CNTNAP5: variants seen among roughly 807,000 people sequenced by gnomAD.
The protein encoded by CNTNAP5 is contactin associated protein family member 5.
A neutral mutation model predicts 150.2 loss-of-function variants in CNTNAP5; 72 were observed. The observed-to-expected ratio is 0.48, with a 90% CI of 0.40 to 0.58. CNTNAP5 has a LOEUF of 0.58. CNTNAP5 is among the 20% of genes least tolerant of loss of function. The pLI, the probability that CNTNAP5 is intolerant of heterozygous loss-of-function variation, is 0.00. For synonymous variants in CNTNAP5, 672 were observed against 619.8 expected, an observed-to-expected ratio of 1.08 and a Z score of -1.25; for missense variants, 1,636 against 1,626.2, an observed-to-expected ratio of 1.01 and a Z score of -0.10.
chr2:124,440,767 C>T (rs1469748581), intron 5 of CNTNAP5, among the ~76,000 whole-genome samples: 1 of 151,780 alleles, frequency 6.6e-6, no homozygotes, highest in Non-Finnish European at 1.5e-5. Flanking sequence ...TAATTATTTC[C>T]CTTATCTATT....
At chr2:124,839,880 A>G (rs1682911136) in intron 19 of CNTNAP5, among the ~76,000 whole-genome samples, 1 of 152,092 alleles carries the variant, frequency 6.6e-6, no homozygotes. Context: ...GGGAACTCAA[A>G]CTCAATTACA....
chr2:124,028,411 G>T (rs1014706098), intron 1 of CNTNAP5, among the ~76,000 whole-genome samples: 2 of 151,974 alleles, frequency 1.3e-5, no homozygotes, highest in African/African-American at 4.8e-5. Context: ...CCCAATTATA[G>T]ATTTTATAAG....
chr2:124,169,096 T>TTG (rs1553444305), intron 1 of CNTNAP5, among the ~76,000 whole-genome samples: 1 of 152,106 alleles, frequency 6.6e-6, no homozygotes, highest in African/African-American at 2.4e-5. Flanking sequence ...TTCTTTTTTT[T>TTG]TTGTTCAATT....
intron 1 of CNTNAP5, among the ~76,000 whole-genome samples, chr2:124,194,978 A>G (rs1312494017): frequency 1.3e-5 from 2 of 152,104 alleles, no homozygotes; most frequent in South Asian, 2.1e-4. Flanking sequence ...ACCAAAAATC[A>G]TAACTAAATG....
intron 1 of CNTNAP5, among the ~76,000 whole-genome samples, chr2:124,160,100 T>A (rs1684640609): frequency 6.6e-6 from 1 of 152,122 alleles, no homozygotes; most frequent in Non-Finnish European, 1.5e-5. Flanking sequence ...ATTATGGAAG[T>A]CCCAGTATCT....
intron 3 of CNTNAP5, among the ~76,000 whole-genome samples, chr2:124,298,954 A>T (rs1463833101): frequency 6.6e-6 from 1 of 152,228 alleles, no homozygotes; most frequent in East Asian, 1.9e-4. Flanking sequence ...ACAGTGTCAT[A>T]GGACTATCTC....
At chr2:124,088,792 T>C (rs1438326801) in intron 1 of CNTNAP5, among the ~76,000 whole-genome samples, 3 of 152,160 alleles carry the variant, frequency 2.0e-5, no homozygotes, top group African/African-American at 7.2e-5. Flanking sequence ...GAGTTCAAAG[T>C]CCTGGCTCCC....
At chr2:124,893,724 A>G (rs537159079) in intron 21 of CNTNAP5, among the ~76,000 whole-genome samples, 11 of 152,162 alleles carry the variant, frequency 7.2e-5, no homozygotes, top group African/African-American at 2.4e-4. Context: ...ACTGTATATA[A>G]TGGTCACCTG....
intron 13 of CNTNAP5, among the ~76,000 whole-genome samples, chr2:124,692,814 A>T (rs1386310021): frequency 6.6e-6 from 1 of 152,122 alleles, no homozygotes; most frequent in Non-Finnish European, 1.5e-5. Context: ...ACCAAAAGAA[A>T]CTGCACAGTG....
intron 13 of CNTNAP5, among the ~76,000 whole-genome samples, chr2:124,705,367 A>G (rs1679613174): frequency 6.6e-6 from 1 of 152,086 alleles, no homozygotes; most frequent in Non-Finnish European, 1.5e-5. Flanking sequence ...GTCTCTACTA[A>G]AAATAAAATA....
At chr2:124,038,253 A>G (rs1411379005) in intron 1 of CNTNAP5, among the ~76,000 whole-genome samples, 1 of 152,158 alleles carries the variant, frequency 6.6e-6, no homozygotes, top group African/African-American at 2.4e-5. Flanking sequence ...CTGTATAGAA[A>G]ACCACAGTAG....
intron 19 of CNTNAP5, among the ~76,000 whole-genome samples, chr2:124,800,863 A>G (rs1681952471): frequency 6.6e-6 from 1 of 152,144 alleles, no homozygotes; most frequent in Admixed American, 6.5e-5. Context: ...AATATGAGTG[A>G]CCATGGCCTG....
At chr2:124,625,945 T>C (rs1542341) in intron 12 of CNTNAP5, among the ~76,000 whole-genome samples, 14,509 of 152,250 alleles carry the variant, frequency 0.095, 983 homozygotes, top group African/African-American at 0.19. Flanking sequence ...CTAACTTTTA[T>C]GAGGCTTAAT....
At chr2:124,447,554 C>T (rs1692852102) in intron 6 of CNTNAP5, among the ~76,000 whole-genome samples, 1 of 152,166 alleles carries the variant, frequency 6.6e-6, no homozygotes, top group Admixed American at 6.5e-5. Flanking sequence ...CTGCTGTACA[C>T]CAGGCTCTGC....
intron 1 of CNTNAP5, among the ~76,000 whole-genome samples, chr2:124,036,389 A>C (rs922695141): frequency 2.0e-5 from 3 of 152,034 alleles, no homozygotes; most frequent in Non-Finnish European, 4.4e-5. Flanking sequence ...AAGAAACCCC[A>C]GTCCCACCCC....
In CNTNAP5 at chr2:124,776,973, A is replaced by G. The variant is rs150070972; in HGVS notation, c.2752+3956A>G. Among the ~76,000 whole-genome samples the G allele has an allele frequency of 6.6e-5, 10 of 152,274 alleles. No individual in the cohort carries two copies. In the East Asian group the frequency reaches 1.9e-3, roughly 29 times the overall value. On this transcript the variant is annotated intron_variant, in intron 17 of 23. Transcript: ENST00000682447. ...CAATTTTTTTAGGAAACATTAATGTATGACTTTCAATGTCCCCTTACCAAT... is the reference window on the plus strand; with the variant it reads ...CAATTTTTTTAGGAAACATTAATGTGTGACTTTCAATGTCCCCTTACCAAT...
chr2:124,353,006 G>C (rs982605636), intron 3 of CNTNAP5, among the ~76,000 whole-genome samples: 2 of 152,156 alleles, frequency 1.3e-5, no homozygotes, highest in African/African-American at 2.4e-5. Flanking sequence ...AGATCTCAAA[G>C]AGAAAACAAT....
intron 1 of CNTNAP5, among the ~76,000 whole-genome samples, chr2:124,212,829 C>CTTTT (rs66534077): frequency 3.2e-4 from 20 of 62,906 alleles, no homozygotes; most frequent in Non-Finnish European, 4.6e-4. Context: ...GTAGATAAAT[C>CTTTT]TTTTTTTTTT....
At chr2:124,305,421 G>A (rs1038685016) in intron 3 of CNTNAP5, among the ~76,000 whole-genome samples, 3 of 152,214 alleles carry the variant, frequency 2.0e-5, no homozygotes, top group African/African-American at 7.2e-5. Context: ...AGTATTGGCT[G>A]TTACCTATAA....
Sources: allele counts gnomAD v4.1 joint callset (sites outside exome capture counted in the v4.1 genomes callset), GRCh38; gene constraint gnomAD v4.1.1; transcripts MANE v1.5; gene names NCBI Gene and HGNC (gene_info 2026-07-23, HGNC 2026-07-21).